Variants in PPP1R2 observed in about 807,000 individuals in gnomAD.
PPP1R2 encodes protein phosphatase inhibitor 2.
A neutral mutation model predicts 29.9 loss-of-function variants in PPP1R2; 16 were observed. The ratio of observed to expected loss-of-function variants is 0.53; its 90% CI spans 0.36 to 0.81. The LOEUF is 0.81. PPP1R2 is among the 30% of genes least tolerant of loss of function. The pLI, the probability that PPP1R2 is intolerant of heterozygous loss-of-function variation, is 0.00. For synonymous variants in PPP1R2, 76 were observed against 91.5 expected (o/e 0.83, Z 0.96); for missense variants, 197 against 252.7 (o/e 0.78, Z 1.49).
At chr3:195,526,839 T>C (rs1328379673) in intron 2 of PPP1R2, among the ~76,000 whole-genome samples, 2 of 152,138 alleles carry the variant, frequency 1.3e-5, no homozygotes, top group African/African-American at 4.8e-5. Flanking sequence ...TGGAGTGCAA[T>C]GGCGCGATCT....
At chr3:195,538,680 T>A (rs1719480969) in intron 1 of PPP1R2, among the ~76,000 whole-genome samples, 2 of 152,186 alleles carry the variant, frequency 1.3e-5, no homozygotes, top group African/African-American at 4.8e-5. Context: ...TATCTAAGAC[T>A]ACTATAGAAT....
intron 1 of PPP1R2, among the ~76,000 whole-genome samples, chr3:195,535,283 C>T (rs1296050479): frequency 6.6e-6 from 1 of 152,164 alleles, no homozygotes; most frequent in Non-Finnish European, 1.5e-5. Flanking sequence ...GGAGCTCAGG[C>T]ACCTGCCACG....
intron 1 of PPP1R2, among the ~76,000 whole-genome samples, chr3:195,539,213 G>A (rs79540335): frequency 0.013 from 1,977 of 152,262 alleles, 50 homozygotes; most frequent in African/African-American, 0.046. Context: ...ACCTTCATAA[G>A]TTGTGCCCTA....
At chr3:195,523,931 A>G (rs1718863655) in intron 3 of PPP1R2, 145 bp from the exon 4 acceptor site, 2 of 743,172 alleles carry the variant, frequency 2.7e-6, no homozygotes, top group Non-Finnish European at 4.5e-6. Context: ...AAGGCAAGAG[A>G]GCAGAAACGT....
At chr3:195,524,747 C>T (rs527359995) in intron 3 of PPP1R2, 72 bp downstream of exon 3, 30 of 1,416,778 alleles carry the variant, frequency 2.1e-5, no homozygotes, top group South Asian at 3.5e-5. Flanking sequence ...GGGACAGCCA[C>T]GCAGGCTGCT....
chr3:195,534,533 C>T (rs1240171190), intron 1 of PPP1R2, among the ~76,000 whole-genome samples: 1 of 152,154 alleles, frequency 6.6e-6, no homozygotes, highest in Non-Finnish European at 1.5e-5. Flanking sequence ...ATGATCAGAA[C>T]TGTCCTTAAC....
intron 1 of PPP1R2, among the ~76,000 whole-genome samples, chr3:195,531,535 A>C (rs1167521120): frequency 6.6e-6 from 1 of 152,210 alleles, no homozygotes. Flanking sequence ...CTACTCTTGC[A>C]GGTGACTTCG....
chr3:195,535,098 T>G (rs1397913610), intron 1 of PPP1R2, among the ~76,000 whole-genome samples: 1 of 152,134 alleles, frequency 6.6e-6, no homozygotes, highest in African/African-American at 2.4e-5. Context: ...GAAAGACAAC[T>G]TTTGCGTGGT....
intron 2 of PPP1R2, among the ~76,000 whole-genome samples, chr3:195,528,521 C>T (rs1577573591): frequency 6.6e-6 from 1 of 151,940 alleles, no homozygotes; most frequent in African/African-American, 2.4e-5. Flanking sequence ...CCAAAGTTTT[C>T]ACCCACTGAC....
chr3:195,518,828 C>A (rs1008441116), intron 5 of PPP1R2, among the ~76,000 whole-genome samples, 190 bp downstream of exon 5: 1 of 152,114 alleles, frequency 6.6e-6, no homozygotes, highest in African/African-American at 2.4e-5. Context: ...AAAATCAAAT[C>A]AACTCTAGGT....
chr3:195,533,152 G>A (rs1198796758), intron 1 of PPP1R2, among the ~76,000 whole-genome samples: 1 of 152,014 alleles, frequency 6.6e-6, no homozygotes, highest in Non-Finnish European at 1.5e-5. Context: ...CTCGAGACCA[G>A]CCTAGCCAAC....
At chr3:195,538,666 G>C (rs1193244044) in intron 1 of PPP1R2, among the ~76,000 whole-genome samples, 1 of 151,918 alleles carries the variant, frequency 6.6e-6, no homozygotes, top group Non-Finnish European at 1.5e-5. Context: ...GAATTTGCCT[G>C]CATTATCTAA....
chr3:195,530,850 T>C (rs930311837), intron 1 of PPP1R2, among the ~76,000 whole-genome samples: 3 of 150,610 alleles, frequency 2.0e-5, no homozygotes, highest in African/African-American at 7.4e-5. Flanking sequence ...GAGACAGAGT[T>C]TTGCTCTTGT....
chr3:195,542,584 G>A (rs1719635971), intron 1 of PPP1R2, among the ~76,000 whole-genome samples: 1 of 152,158 alleles, frequency 6.6e-6, no homozygotes, highest in African/African-American at 2.4e-5. Flanking sequence ...CAGAGATGAG[G>A]TTAAGAAATA....
intron 4 of PPP1R2, chr3:195,523,177 T>C (rs73067605): frequency 0.021 from 3,360 of 159,036 alleles, 138 homozygotes; most frequent in African/African-American, 0.076. Flanking sequence ...CCCTCTTCCA[T>C]CCCTGTGAAG....
chr3:195,524,253 G>A (rs1360134868), intron 3 of PPP1R2, among the ~76,000 whole-genome samples: 1 of 152,180 alleles, frequency 6.6e-6, no homozygotes, highest in Non-Finnish European at 1.5e-5. Flanking sequence ...CAGGCGCGGT[G>A]GTTCACCCCT....
At chr3:195,542,874 G>A (rs1719648904) in intron 1 of PPP1R2, 30 bp downstream of exon 1, 3 of 1,583,176 alleles carry the variant, frequency 1.9e-6, no homozygotes, top group African/African-American at 1.4e-5. Flanking sequence ...GGGAAGGAGG[G>A]GCTCCCAGGC....
At position 195,530,672 on chromosome 3, in the gene PPP1R2, C is replaced by T. The variant is rs188613182; in HGVS notation, c.123-771G>A. The stretch of plus-strand genomic sequence containing the variant: ...TCCCGAGTAGCTGGGATGACAGGCG[C>T]GCACCACCACGCCCAGCTAATTTTT... On this transcript the variant is annotated intron_variant, in intron 1 of 5. Coordinates refer to ENST00000618156, the MANE Select transcript of PPP1R2 (RefSeq NM_006241.8). Among the ~76,000 whole-genome samples, 311 of 151,700 alleles carry T rather than the reference C, an allele frequency of 2.1e-3. 1 individual carries two copies. In the Middle Eastern group the frequency reaches 0.069, roughly 34 times the overall value.
Position 195,515,616 on chromosome 3 carries a change from C to T in PPP1R2, c.*1280G>A, listed in dbSNP as rs1220814717. 1 of 152,184 alleles carries T rather than the reference C, an allele frequency of 6.6e-6. No homozygotes were observed. Among genetic ancestry groups the T allele is most frequent in the East Asian group, 1.9e-4 (1 of 5,194 alleles). 9.4% of individuals were successfully genotyped at this position (152,184 alleles called of 1,614,324 possible). ...CTTACTGCGTTAGAAGAATAAAGCACGTTTGTCATAGTACACATTATCGTA... is the reference window on the plus strand; with the variant it reads ...CTTACTGCGTTAGAAGAATAAAGCATGTTTGTCATAGTACACATTATCGTA... On this transcript the variant is annotated 3_prime_UTR_variant, in exon 6 of 6. Transcript: ENST00000618156.
Sources: allele counts gnomAD v4.1 joint callset (sites outside exome capture counted in the v4.1 genomes callset), GRCh38; gene constraint gnomAD v4.1.1; transcripts MANE v1.5; gene names NCBI Gene and HGNC (gene_info 2026-07-23, HGNC 2026-07-21).